The following MACROD2 variants were observed in gnomAD, a reference collection of about 807,000 sequenced individuals.
The protein encoded by MACROD2 is mono-ADP ribosylhydrolase 2, also known as ADP-ribose glycohydrolase MACROD2.
Under a neutral mutation model 70.4 loss-of-function variants are expected in MACROD2, and 36 were observed. That is an observed-to-expected ratio of 0.51 (90% CI 0.39 to 0.68). The LOEUF (loss-of-function observed/expected upper bound fraction) is 0.68. MACROD2 is among the 30% of genes least tolerant of loss of function. The pLI is 0.00. For missense variants in MACROD2, 496 were observed against 538.4 expected (o/e 0.92, Z 0.78); for synonymous variants, 172 against 178.8 (o/e 0.96, Z 0.30).
chr20:15,582,353 A>T (rs1280250499), intron 8 of MACROD2, among the ~76,000 whole-genome samples: 1 of 151,990 alleles, frequency 6.6e-6, no homozygotes, highest in Admixed American at 6.6e-5. Flanking sequence ...TTGGTCCATG[A>T]CTGTATTCAG....
In MACROD2 at chr20:15,917,821, T is replaced by G. The variant is rs776869177; in HGVS notation, c.776-15455T>G. Reference sequence around the variant, plus strand: ...AAGAAAATGTATTAACATGTATGTGTGATTAATGAATTCATACTAAAAGAG... The same window carrying G: ...AAGAAAATGTATTAACATGTATGTGGGATTAATGAATTCATACTAAAAGAG... On this transcript the variant is annotated intron_variant, in intron 10 of 17. Transcript: ENST00000684519. Among the ~76,000 whole-genome samples, 79 of 151,422 alleles carry G rather than the reference T, an allele frequency of 5.2e-4. 1 individual carries two copies. The highest frequency in any genetic ancestry group is 2.5e-4 in the Non-Finnish European group (17 of 67,918).
intron 3 of MACROD2, among the ~76,000 whole-genome samples, chr20:14,400,981 A>G (rs991466203): frequency 6.6e-6 from 1 of 152,180 alleles, no homozygotes; most frequent in African/African-American, 2.4e-5. Context: ...ATCATTACAG[A>G]GATGCAGGCT....
chr20:14,125,385 C>T (rs1300739720), intron 3 of MACROD2, among the ~76,000 whole-genome samples: 2 of 152,128 alleles, frequency 1.3e-5, no homozygotes, highest in African/African-American at 4.8e-5. Context: ...CCACTTGCTC[C>T]CTTCATTTTT....
At chr20:15,614,466 C>T (rs1321315156) in intron 8 of MACROD2, among the ~76,000 whole-genome samples, 1 of 152,150 alleles carries the variant, frequency 6.6e-6, no homozygotes, top group Non-Finnish European at 1.5e-5. Flanking sequence ...AGCATGCCAG[C>T]TCTCCAGAAT....
chr20:14,280,988 G>A (rs746468663), intron 3 of MACROD2, among the ~76,000 whole-genome samples: 24 of 152,062 alleles, frequency 1.6e-4, no homozygotes, highest in Admixed American at 6.6e-4. Flanking sequence ...AGTTATTGAG[G>A]CCCCCAAACA....
intron 8 of MACROD2, among the ~76,000 whole-genome samples, chr20:15,650,532 T>C (rs1358082808): frequency 3.9e-5 from 6 of 152,240 alleles, no homozygotes; most frequent in African/African-American, 1.4e-4. Context: ...AGCAAGTTCC[T>C]TGCTCTAGGC....
chr20:15,522,552 G>T (rs1600529920), intron 8 of MACROD2, among the ~76,000 whole-genome samples: 1 of 152,182 alleles, frequency 6.6e-6, no homozygotes, highest in Non-Finnish European at 1.5e-5. Flanking sequence ...GTGTATTACT[G>T]TGTTGAGAGT....
chr20:15,232,693 A>T (rs1282240294), intron 6 of MACROD2, among the ~76,000 whole-genome samples: 3 of 152,064 alleles, frequency 2.0e-5, no homozygotes, highest in Admixed American at 2.0e-4. Context: ...TTTGATATCT[A>T]TTCTGAACAC....
chr20:14,971,025 G>A (rs2074686080), intron 5 of MACROD2, among the ~76,000 whole-genome samples: 1 of 152,194 alleles, frequency 6.6e-6, no homozygotes, highest in African/African-American at 2.4e-5. Context: ...GTGAGGGATT[G>A]CTTCCAGGAT....
chr20:14,254,809 C>T (rs971331376), intron 3 of MACROD2, among the ~76,000 whole-genome samples: 3 of 151,958 alleles, frequency 2.0e-5, no homozygotes, highest in South Asian at 2.1e-4. Flanking sequence ...TTATTTTGCT[C>T]GTTAGTTGAT....
At chr20:15,810,441 C>A (rs544171433) in intron 8 of MACROD2, among the ~76,000 whole-genome samples, 1 of 152,030 alleles carries the variant, frequency 6.6e-6, no homozygotes, top group East Asian at 1.9e-4. Context: ...AATCGCCACA[C>A]TGACTTCCAC....
chr20:15,028,849 C>T (rs1027654888), intron 5 of MACROD2, among the ~76,000 whole-genome samples: 14 of 152,112 alleles, frequency 9.2e-5, no homozygotes, highest in South Asian at 2.1e-4. Context: ...TTGTTTTGTG[C>T]AGAGGCAGGG....
chr20:14,790,188 T>G (rs1217941247), intron 5 of MACROD2, among the ~76,000 whole-genome samples: 1 of 152,122 alleles, frequency 6.6e-6, no homozygotes, highest in East Asian at 1.9e-4. Flanking sequence ...TAAAATTCTT[T>G]TATTCATTTT....
chr20:14,662,260 G>A (rs1986261904), intron 4 of MACROD2, among the ~76,000 whole-genome samples: 1 of 151,868 alleles, frequency 6.6e-6, no homozygotes, highest in Admixed American at 6.6e-5. Context: ...TTTAATAAAT[G>A]GTGCTGCGAT....
intron 8 of MACROD2, among the ~76,000 whole-genome samples, chr20:15,596,212 ACT>A (rs1568918539): frequency 1.3e-5 from 2 of 152,122 alleles, no homozygotes; most frequent in African/African-American, 4.8e-5. Context: ...GGCTCGGTCA[ACT>A]CTACTGAGAG....
At chr20:15,962,328 A>G (rs2066074874) in intron 12 of MACROD2, among the ~76,000 whole-genome samples, 1 of 152,242 alleles carries the variant, frequency 6.6e-6, no homozygotes, top group Non-Finnish European at 1.5e-5. Context: ...TAGAGAGATT[A>G]TCCAGCTCAA....
intron 8 of MACROD2, among the ~76,000 whole-genome samples, chr20:15,771,763 C>T (rs914204170): frequency 6.6e-6 from 1 of 151,706 alleles, no homozygotes; most frequent in African/African-American, 2.4e-5. Flanking sequence ...AATATATGAC[C>T]CTATAATTAC....
intron 13 of MACROD2, among the ~76,000 whole-genome samples, chr20:15,978,886 T>C (rs2066353108): frequency 6.6e-6 from 1 of 152,184 alleles, no homozygotes; most frequent in Admixed American, 6.5e-5. Flanking sequence ...TCATTAAACG[T>C]CAGGAGTGAT....
intron 3 of MACROD2, among the ~76,000 whole-genome samples, chr20:14,259,035 C>G (rs186287751): frequency 1.3e-5 from 2 of 152,150 alleles, no homozygotes; most frequent in Middle Eastern, 3.2e-3. Context: ...CTCTGCCTCC[C>G]GGGTTCAAGC....
Sources: gnomAD v4.1 joint callset for allele counts (sites outside exome capture counted in the v4.1 genomes callset) on GRCh38, gnomAD v4.1.1 for gene constraint, MANE v1.5 for transcripts, NCBI Gene and HGNC (gene_info 2026-07-23, HGNC 2026-07-21) for gene names.